Variants in TBC1D22A observed in about 807,000 individuals in gnomAD.
The protein encoded by TBC1D22A is TBC1 domain family member 22A.
Under a neutral mutation model 60.2 loss-of-function variants are expected in TBC1D22A, and 38 were observed. The ratio of observed to expected loss-of-function variants is 0.63; its 90% CI spans 0.49 to 0.83. TBC1D22A has a LOEUF of 0.83. Ranked by LOEUF, TBC1D22A falls within the 40% of genes least tolerant of loss-of-function variation. The probability of loss-of-function intolerance (pLI) is 0.00; values close to 1 mark genes in which losing one functional copy is unlikely to be tolerated. For missense variants in TBC1D22A, 628 were observed against 701.0 expected (o/e 0.90, Z 1.18); for synonymous variants, 302 against 281.7 (o/e 1.07, Z -0.72).
chr22:46,944,323 C>T (rs932658414), intron 8 of TBC1D22A, among the ~76,000 whole-genome samples: 2 of 152,180 alleles, frequency 1.3e-5, no homozygotes, highest in African/African-American at 4.8e-5. Context: ...TCTTCATCGG[C>T]AATTACATTT....
chr22:47,093,452 G>C (rs1391728677), intron 11 of TBC1D22A, among the ~76,000 whole-genome samples: 1 of 152,176 alleles, frequency 6.6e-6, no homozygotes, highest in Non-Finnish European at 1.5e-5. Flanking sequence ...CAAAGGATGA[G>C]AGAGAGCAGG....
chr22:46,763,231 T>G (rs574123036), intron 1 of TBC1D22A: 37 of 219,074 alleles, frequency 1.7e-4, no homozygotes, highest in African/African-American at 8.3e-4. Context: ...GTGGATCAGT[T>G]TCTGCAGGGG....
intron 4 of TBC1D22A, among the ~76,000 whole-genome samples, chr22:46,843,375 G>T (rs1304302726): frequency 6.6e-6 from 1 of 152,116 alleles, no homozygotes; most frequent in Non-Finnish European, 1.5e-5. Context: ...TACAGTGGCT[G>T]CCCGGCCGGT....
At chr22:47,094,714 T>C (rs988293355) in intron 11 of TBC1D22A, among the ~76,000 whole-genome samples, 3 of 152,220 alleles carry the variant, frequency 2.0e-5, no homozygotes, top group Non-Finnish European at 4.4e-5. Context: ...CTTTCTCTTA[T>C]ACTATATGGC....
rs16996146 is a variant in TBC1D22A, at chr22:47,000,462, T to C, written c.1201+2753T>C. 7.2e-3 allele frequency among the ~76,000 whole-genome samples: 1,099 copies of C among 152,298 alleles called. 7 individuals are homozygous for C. The highest frequency in any genetic ancestry group is 0.012 in the Non-Finnish European group (793 of 68,026). The stretch of plus-strand genomic sequence containing the variant: ...GACCCTTCTTTGTCATCCCTAAACC[T>C]TTAGTAAAAGTCTGCCGTGGAGACA... On this transcript the variant is annotated intron_variant, in intron 10 of 12. Coordinates refer to ENST00000337137, the MANE Select transcript of TBC1D22A (RefSeq NM_014346.5).
chr22:46,932,300 C>T (rs896384092), intron 8 of TBC1D22A, among the ~76,000 whole-genome samples: 1 of 152,232 alleles, frequency 6.6e-6, no homozygotes, highest in Admixed American at 6.5e-5. Context: ...ACCGTTCTCC[C>T]GGCCCCAGAA....
At chr22:46,995,183 C>CG (rs1188299248) in intron 9 of TBC1D22A, among the ~76,000 whole-genome samples, 1 of 152,218 alleles carries the variant, frequency 6.6e-6, no homozygotes. Context: ...GGAGCAGTCA[C>CG]TCCAGAGATC....
At chr22:46,976,297 C>T (rs944510718) in intron 9 of TBC1D22A, among the ~76,000 whole-genome samples, 2 of 152,154 alleles carry the variant, frequency 1.3e-5, no homozygotes, top group Non-Finnish European at 2.9e-5. Flanking sequence ...GCTTTCCTGG[C>T]GCGTGTGTTT....
At chr22:47,045,167 A>G (rs569970408) in intron 11 of TBC1D22A, among the ~76,000 whole-genome samples, 2 of 152,224 alleles carry the variant, frequency 1.3e-5, no homozygotes, top group East Asian at 3.9e-4. Flanking sequence ...GATAGATAAG[A>G]CCTTTGTTCT....
chr22:47,173,506 G>C lies in TBC1D22A; in HGVS notation c.1434G>C (p.Leu478=). 1 of 1,614,016 alleles carries C rather than the reference G, an allele frequency of 6.2e-7. No individual in the cohort carries two copies. Residue 478 remains leucine (L), a synonymous_variant, in exon 13 of 13, where the codon CTG becomes CTC. Coordinates refer to ENST00000337137, the MANE Select transcript of TBC1D22A (RefSeq NM_014346.5). Reference sequence around the variant, plus strand: ...TGTCTCTTTCTCCCCAGGAGCTGCTGCTCTTCCTCCAGAACCTGCCCACAG... The same window carrying C: ...TGTCTCTTTCTCCCCAGGAGCTGCTCCTCTTCCTCCAGAACCTGCCCACAG... The part of the protein sequence containing the change: ...ILEEKDFQEL[L]LFLQNLPTAH...
chr22:47,163,192 G>A (rs929362833), intron 12 of TBC1D22A, among the ~76,000 whole-genome samples: 2 of 152,198 alleles, frequency 1.3e-5, no homozygotes, highest in Admixed American at 6.5e-5. Context: ...CAGACAGAGG[G>A]ACAGGAGGAC....
intron 7 of TBC1D22A, among the ~76,000 whole-genome samples, chr22:46,896,388 A>G (rs918522810): frequency 6.6e-6 from 1 of 152,110 alleles, no homozygotes; most frequent in South Asian, 2.1e-4. Flanking sequence ...ACAGTCTTTT[A>G]AGGTGAGCAC....
chr22:47,123,611 A>G (rs2066351591), intron 12 of TBC1D22A, among the ~76,000 whole-genome samples: 2 of 152,220 alleles, frequency 1.3e-5, no homozygotes, highest in Non-Finnish European at 1.5e-5. Context: ...TGATCTTGCA[A>G]TGCTGCATTA....
At chr22:46,998,989 T>C (rs1396623752) in intron 10 of TBC1D22A, among the ~76,000 whole-genome samples, 1 of 152,242 alleles carries the variant, frequency 6.6e-6, no homozygotes, top group East Asian at 1.9e-4. Context: ...AAGTATGATT[T>C]GCAGTAGATG....
At chr22:46,844,174 G>A (rs1024388964) in intron 4 of TBC1D22A, among the ~76,000 whole-genome samples, 6 of 151,012 alleles carry the variant, frequency 4.0e-5, no homozygotes, top group Admixed American at 1.3e-4. Context: ...TTATCAAGCC[G>A]TTCTAAGCAT....
At chr22:46,852,800 C>T (rs1480772439) in intron 4 of TBC1D22A, among the ~76,000 whole-genome samples, 7 of 152,200 alleles carry the variant, frequency 4.6e-5, no homozygotes, top group South Asian at 2.1e-4. Context: ...GGCTGCATCG[C>T]GAGCTCCTCT....
intron 1 of TBC1D22A, among the ~76,000 whole-genome samples, chr22:46,766,523 C>T (rs1004921115): frequency 6.6e-6 from 1 of 152,080 alleles, no homozygotes; most frequent in African/African-American, 2.4e-5. Flanking sequence ...AGTAAGGGAT[C>T]TTTCAGATAG....
chr22:46,831,190 G>A (rs1339105891), intron 4 of TBC1D22A, among the ~76,000 whole-genome samples: 1 of 152,156 alleles, frequency 6.6e-6, no homozygotes, highest in African/African-American at 2.4e-5. Context: ...CATGGACAGA[G>A]CCCACCCCTG....
intron 1 of TBC1D22A, among the ~76,000 whole-genome samples, chr22:46,788,747 C>A (rs1163103361): frequency 6.6e-6 from 1 of 152,216 alleles, no homozygotes; most frequent in Non-Finnish European, 1.5e-5. Context: ...GTGATGTTTT[C>A]ATCTGGATGC....
Sources: allele counts gnomAD v4.1 joint callset (sites outside exome capture counted in the v4.1 genomes callset), GRCh38; gene constraint gnomAD v4.1.1; transcripts MANE v1.5; gene names NCBI Gene and HGNC (gene_info 2026-07-23, HGNC 2026-07-21).